The following MFSD8 variants were observed in gnomAD, a reference collection of about 807,000 sequenced individuals.
MFSD8 encodes the protein major facilitator superfamily domain containing 8.
Under a neutral mutation model 66.4 loss-of-function variants are expected in MFSD8, and 55 were observed. The observed-to-expected ratio is 0.83, with a 90% CI of 0.67 to 1.04. The LOEUF is 1.04. MFSD8 is among the 50% of genes least tolerant of loss of function. The pLI is 0.00. For synonymous variants in MFSD8, 202 were observed against 212.8 expected (o/e 0.95, Z 0.44); for missense variants, 550 against 627.6 (o/e 0.88, Z 1.32).
At chr4:127,947,435 G>A (rs1021081762) in intron 3 of MFSD8, among the ~76,000 whole-genome samples, 2 of 151,706 alleles carry the variant, frequency 1.3e-5, no homozygotes, top group African/African-American at 2.4e-5. Context: ...AAAATTAGCC[G>A]GGTGTGGTAG....
intron 9 of MFSD8, among the ~76,000 whole-genome samples, chr4:127,927,141 G>C (rs1265017110): frequency 1.3e-5 from 2 of 151,942 alleles, no homozygotes; most frequent in African/African-American, 4.8e-5. Flanking sequence ...GCTAAGCTAA[G>C]CTACAATGCT....
Position 127,938,597 on chromosome 4 carries a change from AAAT to A in MFSD8, c.754+183_754+185del, listed in dbSNP as rs1397987346. Among the ~76,000 whole-genome samples, 2,778 of 102,258 alleles carry A rather than the reference AAAT, an allele frequency of 0.027. 133 individuals are homozygous for A. The highest frequency in any genetic ancestry group is 0.12 in the African/African-American group (2,317 of 19,222). 67.1% of individuals were successfully genotyped at this position (102,258 alleles called of 152,430 possible). ...AACTCTGTCTCAAAAAAAAAAAAAT[AAAT>A]AAATAAATAAATAAATAAATAAATA... On this transcript the variant is annotated intron_variant, in intron 7 of 11. Coordinates refer to ENST00000641686, the MANE Select transcript of MFSD8 (RefSeq NM_001371596.2).
At chr4:127,956,324 G>A (rs968828724) in intron 2 of MFSD8, among the ~76,000 whole-genome samples, 8 of 150,912 alleles carry the variant, frequency 5.3e-5, no homozygotes, top group Non-Finnish European at 7.4e-5. Context: ...CTAACACAGT[G>A]AAACCCCGTC....
intron 9 of MFSD8, among the ~76,000 whole-genome samples, chr4:127,924,774 A>C (rs1364459618): frequency 1.3e-5 from 2 of 152,196 alleles, no homozygotes; most frequent in Non-Finnish European, 2.9e-5. Context: ...AACAGAGCCC[A>C]TATAGCCAAG....
At position 127,940,231 on chromosome 4, in the gene MFSD8, T is replaced by G. The variant is rs1316665492; in HGVS notation, c.554-234A>C. ...TGGTACATAAAAGATATATGACACATCTGTGGCACTAAAATTTTATGGGGT... is the reference window on the plus strand; with the variant it reads ...TGGTACATAAAAGATATATGACACAGCTGTGGCACTAAAATTTTATGGGGT... On this transcript the variant is annotated intron_variant, in intron 5 of 11. Transcript: ENST00000641686. Among the ~76,000 whole-genome samples the G allele has an allele frequency of 4.6e-5, 7 of 151,962 alleles. No homozygotes were observed. In the East Asian group the frequency reaches 1.4e-3, roughly 29 times the overall value.
intron 1 of MFSD8, 30 bp from the exon 2 acceptor site, chr4:127,957,622 A>G (rs1226451718): frequency 7.0e-6 from 10 of 1,428,822 alleles, no homozygotes; most frequent in Admixed American, 1.7e-5. Flanking sequence ...AAGTAGTATA[A>G]ATTTATCTCA....
At chr4:127,945,606 G>A (rs376285068) in intron 3 of MFSD8, 1 of 151,940 alleles carries the variant, frequency 6.6e-6, no homozygotes, top group Non-Finnish European at 1.5e-5. Flanking sequence ...GATTGTTGGT[G>A]TGAGCCACCG....
Position 127,926,118 on chromosome 4 carries a change from G to A in MFSD8, c.999-4155C>T, listed in dbSNP as rs1273541121. Among the ~76,000 whole-genome samples, 8 of 151,686 alleles carry A rather than the reference G, an allele frequency of 5.3e-5. No homozygotes were observed. In the East Asian group the frequency reaches 1.4e-3, roughly 26 times the overall value. On this transcript the variant is annotated intron_variant, in intron 9 of 11. Coordinates refer to ENST00000641686, the MANE Select transcript of MFSD8 (RefSeq NM_001371596.2). ...GGGGCTAGAGGAGGGATAGCATTAG[G>A]AGAAATACCTAATGTAGATGATGGG...
chr4:127,953,555 T>TG (rs1412378769), intron 2 of MFSD8, among the ~76,000 whole-genome samples: 17 of 137,128 alleles, frequency 1.2e-4, no homozygotes, highest in Non-Finnish European at 1.7e-4. Flanking sequence ...TTTTTTTTTT[T>TG]TTTTTTTTTT....
intron 2 of MFSD8, among the ~76,000 whole-genome samples, chr4:127,953,262 G>A (rs1742302822): frequency 1.3e-5 from 2 of 151,886 alleles, no homozygotes; most frequent in African/African-American, 4.8e-5. Flanking sequence ...GCTGAGGCGG[G>A]CGGATCACCT....
At chr4:127,930,568 T>C in intron 9 of MFSD8, 115 bp downstream of exon 9, 3 of 1,177,384 alleles carry the variant, frequency 2.5e-6, no homozygotes, top group Non-Finnish European at 2.4e-6. Context: ...AATTGTAAAT[T>C]TGTGTGCAAA....
At chr4:127,964,434 G>C (rs538593859) in intron 1 of MFSD8, among the ~76,000 whole-genome samples, 176 of 152,354 alleles carry the variant, frequency 1.2e-3, no homozygotes, top group African/African-American at 4.1e-3. Context: ...CCAGTGGGCT[G>C]GCACTGCTGG....
intron 1 of MFSD8, 139 bp downstream of exon 1, chr4:127,964,933 A>C: frequency 9.7e-7 from 1 of 1,035,936 alleles, no homozygotes; most frequent in Non-Finnish European, 1.5e-6. Flanking sequence ...TCCTCGGCTC[A>C]CACAACCCAG....
intron 2 of MFSD8, among the ~76,000 whole-genome samples, chr4:127,952,569 C>T (rs1037023236): frequency 2.0e-5 from 3 of 151,320 alleles, no homozygotes; most frequent in Non-Finnish European, 4.4e-5. Context: ...GTTTAACATG[C>T]CAATTAAAAT....
At chr4:127,953,004 A>G (rs1742260090) in intron 2 of MFSD8, among the ~76,000 whole-genome samples, 1 of 152,174 alleles carries the variant, frequency 6.6e-6, no homozygotes, top group Admixed American at 6.5e-5. Flanking sequence ...AAATAAATCA[A>G]TTGCAGGCAT....
chr4:127,921,063 C>G, intron 11 of MFSD8: 1 of 583,096 alleles, frequency 1.7e-6, no homozygotes, highest in East Asian at 2.9e-5. Flanking sequence ...TGCTGAAGCC[C>G]TGGGAATAAT....
rs724159970 is a variant in MFSD8, at chr4:127,921,733, C to A, written c.1141G>T (p.Glu381Ter). The change falls in exon 11 of 12, where the codon GAA becomes TAA. Residue 381 changes from glutamate (E) to a stop codon, truncating the protein, a stop_gained. Transcript: ENST00000641686. LOFTEE classifies it high-confidence loss of function. ...NNSIPNTTFG[E>*]IIIGLWKSPM... is the part of the protein sequence containing the mutation. ...GACTTCCAAAGACCAATAATAATTT[C>A]CCCAAATGTGGTATTAGGGATTGAA... 1.6e-5 allele frequency: 26 copies of A among 1,613,998 alleles called. No individual in the cohort carries two copies. The highest frequency in any genetic ancestry group is 2.0e-5 in the Non-Finnish European group (24 of 1,180,012).
intron 9 of MFSD8, among the ~76,000 whole-genome samples, chr4:127,926,595 G>C (rs1416722067): frequency 6.6e-6 from 1 of 151,984 alleles, no homozygotes; most frequent in South Asian, 2.1e-4. Context: ...CAGCAGCACT[G>C]CTCTACTTCT....
chr4:127,964,094 G>A (rs1282609851), intron 1 of MFSD8, among the ~76,000 whole-genome samples: 2 of 152,366 alleles, frequency 1.3e-5, no homozygotes, highest in Non-Finnish European at 1.5e-5. Flanking sequence ...ACAGAGTGCC[G>A]ATTGGTGTAG....
Sources: allele counts gnomAD v4.1 joint callset (sites outside exome capture counted in the v4.1 genomes callset), GRCh38; gene constraint gnomAD v4.1.1; transcripts MANE v1.5; gene names NCBI Gene and HGNC (gene_info 2026-07-23, HGNC 2026-07-21).